The following NSF variants were observed in gnomAD, a reference collection of about 807,000 sequenced individuals.
NSF encodes the protein N-ethylmaleimide sensitive factor, vesicle fusing ATPase.
NSF carries 14 observed loss-of-function variants against 50.3 expected under a neutral mutation model. The ratio of observed to expected loss-of-function variants is 0.28; its 90% CI spans 0.18 to 0.44. The LOEUF (loss-of-function observed/expected upper bound fraction) is 0.44, where lower values mean the gene tolerates loss of function less well. NSF is among the 20% of genes least tolerant of loss of function. The pLI is 1.00. For missense variants in NSF, 218 were observed against 504.3 expected, an observed-to-expected ratio of 0.43 and a Z score of 5.44; for synonymous variants, 109 against 175.7, an observed-to-expected ratio of 0.62 and a Z score of 3.00.
chr17:46,685,270 A>G (rs1374477308), intron 9 of NSF, among the ~76,000 whole-genome samples: 2 of 147,628 alleles, frequency 1.4e-5, no homozygotes, highest in Non-Finnish European at 3.0e-5. Context: ...CAATTTAAAT[A>G]TTAAACTACT....
At chr17:46,733,044 G>A (rs2058965724) in intron 17 of NSF, among the ~76,000 whole-genome samples, 1 of 152,214 alleles carries the variant, frequency 6.6e-6, no homozygotes, top group Non-Finnish European at 1.5e-5. Context: ...CACCCTCCCT[G>A]AGCTGGACGT....
At chr17:46,711,950 A>G (rs1045905369) in intron 14 of NSF, among the ~76,000 whole-genome samples, 1 of 152,224 alleles carries the variant, frequency 6.6e-6, no homozygotes, top group African/African-American at 2.4e-5. Context: ...AGCAGATAGA[A>G]GCCAGTTCAT....
At position 46,711,024 on chromosome 17, in the gene NSF, G is replaced by T. The variant is rs374585893; in HGVS notation, c.1532G>T (p.Gly511Val). 6.3e-7 allele frequency: 1 copy of T among 1,593,314 alleles called. No homozygotes were observed. The highest frequency in any genetic ancestry group is 8.5e-7 in the Non-Finnish European group (1 of 1,173,186). Residue 511 changes from glycine (G) to valine (V), a missense_variant, in exon 14 of 21, where the codon GGT (glycine) becomes GTT (valine). Gly to Val is a moderately radical substitution (Grantham distance 109). This residue lies in a region of NSF where 209 missense variants were observed against 320.9 expected (regional missense o/e 0.65). Coordinates refer to ENST00000398238, the MANE Select transcript of NSF (RefSeq NM_006178.4). ...SYIMNGIIKW[G>V]DPVTRVLDDG... Reference sequence around the variant, plus strand: ...ATTATGAACGGTATCATCAAATGGGGTGACCCAGTTACTCGAGTTCTAGAT... The same window carrying T: ...ATTATGAACGGTATCATCAAATGGGTTGACCCAGTTACTCGAGTTCTAGAT...
chr17:46,610,029 C>CTTTCTTTCTTTCTT (rs528412035), intron 1 of NSF, among the ~76,000 whole-genome samples: 11 of 88,976 alleles, frequency 1.2e-4, no homozygotes, highest in African/African-American at 4.2e-4. Context: ...TTCTTTCTTT[C>CTTTCTTTCTTTCTT]TCTCTCTCTC....
intron 8 of NSF, among the ~76,000 whole-genome samples, chr17:46,656,020 A>T (rs1016675518): frequency 7.6e-5 from 4 of 52,776 alleles, no homozygotes; most frequent in African/African-American, 4.1e-4. Context: ...ACTGAAAGAC[A>T]TTGTTTAAAT....
chr17:46,732,169 T>C (rs1186139060), intron 17 of NSF, among the ~76,000 whole-genome samples: 1 of 152,216 alleles, frequency 6.6e-6, no homozygotes, highest in African/African-American at 2.4e-5. Context: ...AAGGAGGAAC[T>C]ATACTTATAT....
At chr17:46,742,273 G>A (rs2059081392) in intron 17 of NSF, among the ~76,000 whole-genome samples, 1 of 152,062 alleles carries the variant, frequency 6.6e-6, no homozygotes, top group Admixed American at 6.6e-5. Flanking sequence ...ACTCTGAAAT[G>A]ATAGTTACTT....
chr17:46,751,709 AATTT>A, intron 19 of NSF, 93 bp downstream of exon 19: 1 of 686,960 alleles, frequency 1.5e-6, no homozygotes, highest in Non-Finnish European at 2.3e-6. Context: ...GGTTTTAATT[AATTT>A]AAGTTTTGAT....
chr17:46,622,244 TCA>T (rs1455388774), intron 1 of NSF, among the ~76,000 whole-genome samples: 6 of 142,870 alleles, frequency 4.2e-5, no homozygotes, highest in Non-Finnish European at 4.5e-5. Context: ...GATCACAAGG[TCA>T]GGAGATCGAG....
chr17:46,733,964 C>A (rs1302457121), intron 17 of NSF, among the ~76,000 whole-genome samples: 1 of 152,076 alleles, frequency 6.6e-6, no homozygotes, highest in East Asian at 1.9e-4. Flanking sequence ...AAGGTGTGGA[C>A]CAATAAGAAA....
chr17:46,716,261 C>CT (rs56755526), intron 15 of NSF, among the ~76,000 whole-genome samples: 95,825 of 143,728 alleles, frequency 0.67, 32,821 homozygotes, highest in South Asian at 0.82. Context: ...CTTGCCCCTC[C>CT]TTTTTTTTTT....
At chr17:46,708,205 A>G (rs2058675767) in intron 13 of NSF, among the ~76,000 whole-genome samples, 1 of 152,056 alleles carries the variant, frequency 6.6e-6, no homozygotes, top group Non-Finnish European at 1.5e-5. Context: ...TCGGGTATAT[A>G]CTCAGAAGTG....
At chr17:46,710,253 G>C (rs2058706157) in intron 13 of NSF, among the ~76,000 whole-genome samples, 1 of 152,120 alleles carries the variant, frequency 6.6e-6, no homozygotes, top group Non-Finnish European at 1.5e-5. Context: ...AAATACTAAA[G>C]TTATTGACTA....
chr17:46,635,777 ATGTGTGTGTGTG>A lies in NSF; in HGVS notation c.239-1568_239-1557del, dbSNP rs148930686. ...TTCAGGGAACCTAAAGGGAAAATAA[ATGTGTGTGTGTG>A]TGTGTGTGTGTGTGTGTGTGTGTGT... On this transcript the variant is annotated intron_variant, in intron 4 of 20. Transcript: ENST00000398238. Among the ~76,000 whole-genome samples, 34 of 116,798 alleles carry A rather than the reference ATGTGTGTGTGTG, an allele frequency of 2.9e-4. 3 individuals are homozygous for A. The highest frequency in any genetic ancestry group is 2.6e-4 in the South Asian group (1 of 3,796). 76.6% of individuals were successfully genotyped at this position (116,798 alleles called of 152,430 possible). A position where few individuals can be genotyped will look rare whatever the true frequency, so the allele number is the denominator to read the frequency against.
chr17:46,748,116 T>A (rs2059148880), intron 17 of NSF, among the ~76,000 whole-genome samples: 2 of 152,172 alleles, frequency 1.3e-5, no homozygotes, highest in Non-Finnish European at 2.9e-5. Context: ...TTTATTTATT[T>A]ATTTTTTTGA....
intron 15 of NSF, among the ~76,000 whole-genome samples, chr17:46,722,620 T>C (rs1361205805): frequency 6.6e-6 from 1 of 152,140 alleles, no homozygotes; most frequent in Admixed American, 6.5e-5. Flanking sequence ...AGAATTCTGC[T>C]GGGGCCTGGG....
At chr17:46,716,921 A>C (rs896183285) in intron 15 of NSF, among the ~76,000 whole-genome samples, 1 of 152,222 alleles carries the variant, frequency 6.6e-6, no homozygotes, top group African/African-American at 2.4e-5. Flanking sequence ...AGCTAATCTG[A>C]ACATTATTTT....
At chr17:46,642,533 T>TAGA (rs1282126673) in intron 7 of NSF, among the ~76,000 whole-genome samples, 4 of 129,852 alleles carry the variant, frequency 3.1e-5, no homozygotes, top group Non-Finnish European at 4.6e-5. Context: ...AAACATGAGT[T>TAGA]TTGTAATCAT....
At chr17:46,714,703 G>GT (rs367950238) in intron 15 of NSF, among the ~76,000 whole-genome samples, 220 of 152,292 alleles carry the variant, frequency 1.4e-3, no homozygotes, top group African/African-American at 5.0e-3. Flanking sequence ...GTTAGATCAT[G>GT]TTTCCATTGC....
Sources: gnomAD v4.1 joint callset for allele counts (sites outside exome capture counted in the v4.1 genomes callset) on GRCh38, gnomAD v4.1.1 for gene constraint, gnomAD v4.1.1 regional missense constraint, MANE v1.5 for transcripts, NCBI Gene and HGNC (gene_info 2026-07-23, HGNC 2026-07-21) for gene names.